The following IL5RA variants were observed in gnomAD, a reference collection of about 807,000 sequenced individuals.
The protein encoded by IL5RA is interleukin 5 receptor subunit alpha, also known as interleukin-5 receptor subunit alpha.
A neutral mutation model predicts 50.0 loss-of-function variants in IL5RA; 49 were observed. The ratio of observed to expected loss-of-function variants is 0.98; its 90% CI spans 0.78 to 1.24. IL5RA has a LOEUF of 1.24. Among genes scored for constraint, IL5RA ranks in the 50% most tolerant of loss-of-function variants. The pLI, the probability that IL5RA is intolerant of heterozygous loss-of-function variation, is 0.00. For synonymous variants in IL5RA, 202 were observed against 174.0 expected (o/e 1.16, Z -1.26); for missense variants, 600 against 500.4 (o/e 1.20, Z -1.90).
chr3:3,072,423 C>T (rs933782139), intron 11 of IL5RA, among the ~76,000 whole-genome samples: 1 of 152,202 alleles, frequency 6.6e-6, no homozygotes, highest in Non-Finnish European at 1.5e-5. Flanking sequence ...ACCAGCTTGT[C>T]TGCCCCAAGT....
chr3:3,102,354 C>T (rs1358403752), intron 4 of IL5RA, among the ~76,000 whole-genome samples: 2 of 152,242 alleles, frequency 1.3e-5, no homozygotes, highest in Non-Finnish European at 2.9e-5. Flanking sequence ...TACTAGGCTA[C>T]TGTCTCCTGT....
intron 7 of IL5RA, 27 bp from the exon 8 acceptor site, chr3:3,095,471 A>ATTT (rs11389765): frequency 9.2e-5 from 119 of 1,299,342 alleles, no homozygotes; most frequent in African/African-American, 5.4e-4. Flanking sequence ...AAGATCAGTG[A>ATTT]TTTTTTTTTT....
Position 3,069,110 on chromosome 3 carries a change from A to G in IL5RA, c.*1115T>C, listed in dbSNP as rs186709299. ...ACTGTTACCTCCTTTCTAGGCCTTCAGCTTCTTGACCAAGGGCCATGTGGA... is the reference window on the plus strand; with the variant it reads ...ACTGTTACCTCCTTTCTAGGCCTTCGGCTTCTTGACCAAGGGCCATGTGGA... On this transcript the variant is annotated 3_prime_UTR_variant, in exon 12 of 12. Transcript: ENST00000446632. 2.4e-4 allele frequency: 37 copies of G among 152,334 alleles called. No homozygotes were observed. The highest frequency in any genetic ancestry group is 8.9e-4 in the African/African-American group (37 of 41,552). The allele number at this position is 152,334 out of a possible 1,614,324, so 9.4% of individuals were successfully genotyped here. A position where few individuals can be genotyped will look rare whatever the true frequency, so the allele number is the denominator to read the frequency against.
At chr3:3,090,056 A>G in intron 9 of IL5RA, 1 of 654,088 alleles carries the variant, frequency 1.5e-6, no homozygotes, top group East Asian at 3.0e-5. Context: ...CTTGTTGGCC[A>G]TGCAGAACAG....
chr3:3,100,864 G>T (rs1001303448), intron 5 of IL5RA, among the ~76,000 whole-genome samples: 4 of 151,886 alleles, frequency 2.6e-5, no homozygotes, highest in Non-Finnish European at 5.9e-5. Flanking sequence ...CAAGTAAATG[G>T]GGCCGGACAC....
At chr3:3,098,830 G>C (rs1309804290) in intron 5 of IL5RA, among the ~76,000 whole-genome samples, 1 of 152,180 alleles carries the variant, frequency 6.6e-6, no homozygotes, top group African/African-American at 2.4e-5. Flanking sequence ...TTGGGGCCTG[G>C]GGGTGGTGTT....
chr3:3,073,590 G>A (rs1341039877), intron 11 of IL5RA, among the ~76,000 whole-genome samples: 3 of 152,106 alleles, frequency 2.0e-5, no homozygotes, highest in African/African-American at 4.8e-5. Flanking sequence ...TTCACCTTAA[G>A]GATAAATTTG....
intron 9 of IL5RA, chr3:3,091,705 C>G (rs1703115722): frequency 6.5e-6 from 1 of 152,748 alleles, no homozygotes; most frequent in Non-Finnish European, 1.5e-5. Flanking sequence ...GCACTCCAGC[C>G]AGGGCGACAG....
Position 3,070,241 on chromosome 3 carries a change from T to C in IL5RA, c.1247A>G (p.Glu416Gly). The change falls in exon 12 of 12, where the codon GAG becomes GGG. Residue 416 changes from glutamate to glycine, a missense_variant. Glu to Gly is a moderately conservative substitution (Grantham distance 98). Transcript: ENST00000446632. The part of the protein sequence containing the change: ...YIEKPGVETL[E>G]DSVF Reference sequence around the variant, plus strand: ...AAGTGACAGTCAAAACACAGAATCCTCCAGGGTCTCAACTCCAGGCTTCTC... The same window carrying C: ...AAGTGACAGTCAAAACACAGAATCCCCCAGGGTCTCAACTCCAGGCTTCTC... 1 of 1,612,080 alleles carries C rather than the reference T, an allele frequency of 6.2e-7. No homozygotes were observed.
chr3:3,084,931 T>G (rs927696328), intron 9 of IL5RA, among the ~76,000 whole-genome samples: 1 of 152,248 alleles, frequency 6.6e-6, no homozygotes, highest in South Asian at 2.1e-4. Flanking sequence ...TGAGGCAGAA[T>G]GTATGCCTAG....
intron 7 of IL5RA, 87 bp downstream of exon 7, chr3:3,097,783 T>G: frequency 6.4e-6 from 9 of 1,402,792 alleles, no homozygotes; most frequent in Non-Finnish European, 8.7e-6. Flanking sequence ...AGAGAAGCAG[T>G]AAAACTAGGT....
rs977016347 is a variant in IL5RA at position 3,066,355 on chromosome 3, T to C, written c.*3870A>G. 6.6e-5 allele frequency: 10 copies of C among 152,338 alleles called. No homozygotes were observed. Among genetic ancestry groups the C allele is most frequent in the Middle Eastern group, 6.8e-3 (2 of 294 alleles). 9.4% of individuals were successfully genotyped at this position (152,338 alleles called of 1,614,324 possible). On this transcript the variant is annotated 3_prime_UTR_variant, in exon 12 of 12. Transcript: ENST00000446632. ...GTCATTTATGTTTAATATTTCTCAT[T>C]CTGAAACATATTTATATTCACATCT...
intron 9 of IL5RA, among the ~76,000 whole-genome samples, chr3:3,077,268 A>G (rs1039832151): frequency 6.6e-6 from 1 of 152,222 alleles, no homozygotes; most frequent in Non-Finnish European, 1.5e-5. Context: ...TTTGCTTTGA[A>G]TCTACATTTA....
intron 9 of IL5RA, among the ~76,000 whole-genome samples, chr3:3,085,346 G>C (rs781658800): frequency 3.3e-5 from 5 of 152,136 alleles, no homozygotes; most frequent in Non-Finnish European, 5.9e-5. Flanking sequence ...GATTATTTTG[G>C]AAGGCCTAGG....
In IL5RA at chr3:3,101,691, C is replaced by G; in HGVS notation, c.367+1G>C. 6.2e-7 allele frequency: 1 copy of G among 1,612,426 alleles called. No individual in the cohort carries two copies. The highest frequency in any genetic ancestry group is 8.5e-7 in the Non-Finnish European group (1 of 1,179,582). On this transcript the variant is annotated splice_donor_variant, in intron 5 of 11. Transcript: ENST00000446632. LOFTEE classifies it high-confidence loss of function. The stretch of plus-strand genomic sequence containing the variant: ...ACTGGACTTTTGGAGGCCTGCTTTA[C>G]CTGGTGGGGCATGAAGTTCAGCAGA...
intron 2 of IL5RA, among the ~76,000 whole-genome samples, chr3:3,106,658 C>G (rs143778813): frequency 9.8e-4 from 149 of 152,148 alleles, no homozygotes; most frequent in Admixed American, 2.0e-3. Flanking sequence ...AGGGAAAACA[C>G]TAGTAATCTA....
intron 9 of IL5RA, among the ~76,000 whole-genome samples, chr3:3,078,834 C>CAAAAAAA (rs371826442): frequency 7.4e-6 from 1 of 135,742 alleles, no homozygotes. Flanking sequence ...GACTCCGTCT[C>CAAAAAAA]AAAAAAAAAA....
chr3:3,070,163 C>T lies in IL5RA; in HGVS notation c.*62G>A, dbSNP rs561599665. 4.7e-6 allele frequency: 5 copies of T among 1,075,084 alleles called. No homozygotes were observed. The highest frequency in any genetic ancestry group is 3.2e-5 in the African/African-American group (2 of 63,004). 66.6% of individuals were successfully genotyped at this position (1,075,084 alleles called of 1,614,324 possible). A position where few individuals can be genotyped will look rare whatever the true frequency, so the allele number is the denominator to read the frequency against. On this transcript the variant is annotated 3_prime_UTR_variant, in exon 12 of 12. Transcript: ENST00000446632. Reference sequence around the variant, plus strand: ...ACCTCTTAGCCAAGAGCCAGCATCCCTGTTCTTTTCACTGAGGCACTGAGG... The same window carrying T: ...ACCTCTTAGCCAAGAGCCAGCATCCTTGTTCTTTTCACTGAGGCACTGAGG...
At chr3:3,093,782 T>G (rs1703237614) in intron 8 of IL5RA, among the ~76,000 whole-genome samples, 1 of 152,236 alleles carries the variant, frequency 6.6e-6, no homozygotes, top group Admixed American at 6.5e-5. Context: ...ATTGGGTCAC[T>G]CCATGGCAGA....
Sources: gnomAD v4.1 joint callset for allele counts (sites outside exome capture counted in the v4.1 genomes callset) on GRCh38, gnomAD v4.1.1 for gene constraint, MANE v1.5 for transcripts, NCBI Gene and HGNC (gene_info 2026-07-23, HGNC 2026-07-21) for gene names.